Variants in UMODL1 observed in about 807,000 individuals in gnomAD.
UMODL1 encodes uromodulin like 1.
Under a neutral mutation model 136.3 loss-of-function variants are expected in UMODL1, and 128 were observed. The observed-to-expected ratio is 0.94, with a 90% confidence interval of 0.81 to 1.09. The LOEUF is 1.09. Among genes scored for constraint, UMODL1 ranks in the 50% least tolerant of loss-of-function variants. The probability of loss-of-function intolerance (pLI) is 0.00; values close to 1 mark genes in which losing one functional copy is unlikely to be tolerated. For synonymous variants in UMODL1, 721 were observed against 720.0 expected, an observed-to-expected ratio of 1.00 and a Z score of -0.02; for missense variants, 1,766 against 1,725.6, an observed-to-expected ratio of 1.02 and a Z score of -0.41.
intron 2 of UMODL1, among the ~76,000 whole-genome samples, chr21:42,083,856 C>T (rs2066391705): frequency 6.6e-6 from 1 of 152,212 alleles, no homozygotes; most frequent in South Asian, 2.1e-4. Flanking sequence ...ACACCTAGGA[C>T]CCCAGCTGAA....
chr21:42,088,179 G>A (rs905552553), intron 4 of UMODL1, 115 bp from the exon 5 acceptor site: 32 of 1,118,530 alleles, frequency 2.9e-5, no homozygotes, highest in Middle Eastern at 3.0e-4. Context: ...CTTTGCTGAA[G>A]AGCAGAATGG....
intron 21 of UMODL1, among the ~76,000 whole-genome samples, chr21:42,130,124 G>A (rs1442234229): frequency 6.6e-6 from 1 of 152,146 alleles, no homozygotes; most frequent in Non-Finnish European, 1.5e-5. Flanking sequence ...GTTTTGAGCT[G>A]CATAATATCA....
At chr21:42,141,641 A>G (rs894777369) in intron 22 of UMODL1, among the ~76,000 whole-genome samples, 3 of 152,128 alleles carry the variant, frequency 2.0e-5, no homozygotes, top group Non-Finnish European at 4.4e-5. Flanking sequence ...TGTCTTTCGA[A>G]GTGAGAACTG....
At chr21:42,111,360 C>A in intron 11 of UMODL1, 146 bp from the exon 12 acceptor site, 1 of 1,610,558 alleles carries the variant, frequency 6.2e-7, no homozygotes. Context: ...CAGGAGAGCC[C>A]CAGCCAGGGG....
chr21:42,127,305 A>G (rs903320150), intron 19 of UMODL1, 63 bp downstream of exon 19: 2 of 1,456,696 alleles, frequency 1.4e-6, no homozygotes, highest in African/African-American at 1.4e-5. Flanking sequence ...AACAATAGGT[A>G]GGGCTCAAGA....
chr21:42,063,401 G>T (rs1345072142), intron 1 of UMODL1, among the ~76,000 whole-genome samples: 2 of 152,200 alleles, frequency 1.3e-5, no homozygotes, highest in East Asian at 1.9e-4. Context: ...GCCCCTCGGA[G>T]TCCCCCCTGG....
At chr21:42,108,917 C>T (rs555849210) in intron 9 of UMODL1, among the ~76,000 whole-genome samples, 11 of 130,912 alleles carry the variant, frequency 8.4e-5, no homozygotes, top group Admixed American at 2.3e-4. Flanking sequence ...GACCCCCACC[C>T]CCCCCACGAG....
chr21:42,075,244 G>T (rs574489994), intron 1 of UMODL1, among the ~76,000 whole-genome samples: 11 of 143,304 alleles, frequency 7.7e-5, no homozygotes, highest in East Asian at 4.2e-4. Flanking sequence ...CTGGAGATGG[G>T]GGGGGGGTTT....
chr21:42,075,751 C>T (rs189088274), intron 1 of UMODL1, among the ~76,000 whole-genome samples: 196 of 152,376 alleles, frequency 1.3e-3, no homozygotes, highest in African/African-American at 4.5e-3. Context: ...ACCTCCTCCT[C>T]GGTCACAGCG....
At chr21:42,101,985 T>G (rs1394763223) in intron 7 of UMODL1, 181 bp from the exon 8 acceptor site, 1 of 529,248 alleles carries the variant, frequency 1.9e-6, no homozygotes, top group Non-Finnish European at 3.4e-6. Flanking sequence ...GACATAAAAG[T>G]GTTTGTTTAT....
In UMODL1 at chr21:42,122,860, A is replaced by C. The variant is rs200376103; in HGVS notation, c.2857A>C (p.Thr953Pro). ...GDSPGNETWA[T>P]SPERPLTTAG... ...CTCTCCTGGCAATGAAACCTGGGCC[A>C]CCAGCCCAGAGAGGCCTCTCACCAC... is the stretch of plus-strand genomic sequence containing the variant. The change falls in exon 17 of 23, where the codon ACC (threonine) becomes CCC (proline). Residue 953 changes from threonine (T) to proline (P), a missense_variant. Coordinates refer to ENST00000408910, the MANE Select transcript of UMODL1 (RefSeq NM_001004416.3). The surrounding 1 kb of genome is among the most constrained non-coding windows in gnomAD (Gnocchi z 4.3). 1 of 1,602,576 alleles carries C rather than the reference A, an allele frequency of 6.2e-7. No homozygotes were observed. Among genetic ancestry groups the C allele is most frequent in the South Asian group, 1.1e-5 (1 of 90,590 alleles).
intron 13 of UMODL1, among the ~76,000 whole-genome samples, chr21:42,115,523 C>G (rs1601247095): frequency 6.6e-6 from 1 of 152,232 alleles, no homozygotes; most frequent in Non-Finnish European, 1.5e-5. Context: ...TTTAATGGTG[C>G]CTCCACATGC....
rs2066676146 is a variant in UMODL1 at position 42,103,977 on chromosome 21, C to T, written c.1409C>T (p.Thr470Ile). The T allele has an allele frequency of 6.2e-7, 1 of 1,614,076 alleles. No homozygotes were observed. The change falls in exon 9 of 23, where the codon ACC (threonine) becomes ATC (isoleucine). Residue 470 changes from threonine (T) to isoleucine (I), a missense_variant. By Grantham distance (89) the Thr-to-Ile change is moderately conservative (BLOSUM62 -1). Transcript: ENST00000408910. ...AGSVVVRLKL[T>I]VQDPGFPMGI... ...AGTGTGGTCGTGAGGCTCAAGCTCA[C>T]CGTGCAGGACCCCGGGTTTCCCATG...
intron 1 of UMODL1, among the ~76,000 whole-genome samples, chr21:42,065,471 T>C (rs927245066): frequency 6.7e-6 from 1 of 148,648 alleles, no homozygotes; most frequent in Non-Finnish European, 1.5e-5. Flanking sequence ...GCCAGTTATC[T>C]TCACTATCTG....
chr21:42,080,530 C>T (rs1171394738), intron 2 of UMODL1, among the ~76,000 whole-genome samples: 4 of 152,250 alleles, frequency 2.6e-5, no homozygotes, highest in Admixed American at 2.6e-4. Context: ...CATGGACACA[C>T]ACGTGATATG....
At chr21:42,100,545 C>CTCA in intron 7 of UMODL1, among the ~76,000 whole-genome samples, 1 of 152,118 alleles carries the variant, frequency 6.6e-6, no homozygotes, top group East Asian at 1.9e-4. Flanking sequence ...CTGACTCCAC[C>CTCA]TCATCTTCTC....
At chr21:42,078,766 G>C (rs1421618112) in intron 2 of UMODL1, among the ~76,000 whole-genome samples, 1 of 152,234 alleles carries the variant, frequency 6.6e-6, no homozygotes, top group Non-Finnish European at 1.5e-5. Flanking sequence ...TGACCCCAGA[G>C]CAATGGCCCT....
At chr21:42,129,822 A>G (rs754986663) in intron 21 of UMODL1, 25 bp downstream of exon 21, 43 of 1,503,622 alleles carry the variant, frequency 2.9e-5, no homozygotes, top group Non-Finnish European at 3.8e-5. Flanking sequence ...TGGTTTAGAC[A>G]ATGAAAGAAA....
chr21:42,119,106 C>G lies in UMODL1; in HGVS notation c.2476-5C>G, dbSNP rs114180583. 2 of 1,611,346 alleles carry G rather than the reference C, an allele frequency of 1.2e-6. No individual in the cohort carries two copies. The highest frequency in any genetic ancestry group is 1.7e-5 in the Admixed American group (1 of 59,912). ...GACCTCCTCACATGGCCTCTTTCCC[C>G]GCAGGTGCGGGGCTCCCTGCCAGCC... On this transcript the variant is annotated splice_polypyrimidine_tract_variant and splice_region_variant and intron_variant, in intron 14 of 22. Transcript: ENST00000408910.
Sources: gnomAD v4.1 joint callset for allele counts (sites outside exome capture counted in the v4.1 genomes callset) on GRCh38, gnomAD v4.1.1 for gene constraint, Gnocchi (gnomAD v3.1) non-coding constraint, MANE v1.5 for transcripts, NCBI Gene and HGNC (gene_info 2026-07-23, HGNC 2026-07-21) for gene names.